The following RSU1 variants were observed in gnomAD, a reference collection of about 807,000 sequenced individuals.
RSU1 encodes the protein Ras suppressor protein 1.
Under a neutral mutation model 31.1 loss-of-function variants are expected in RSU1, and 26 were observed. The ratio of observed to expected loss-of-function variants is 0.84; its 90% CI spans 0.61 to 1.16. RSU1 has a LOEUF of 1.16. Ranked by LOEUF, RSU1 falls within the 50% of genes most tolerant of loss-of-function variation. The pLI is 0.00. For missense variants in RSU1, 320 were observed against 339.1 expected, an observed-to-expected ratio of 0.94 and a Z score of 0.44; for synonymous variants, 164 against 136.3, an observed-to-expected ratio of 1.20 and a Z score of -1.41.
intron 8 of RSU1, among the ~76,000 whole-genome samples, chr10:16,609,822 G>C (rs1463706921): frequency 6.6e-6 from 1 of 152,198 alleles, no homozygotes; most frequent in Non-Finnish European, 1.5e-5. Context: ...AGTGAGTTAA[G>C]TTCTCTTCTC....
At chr10:16,667,158 T>C (rs879732288) in intron 8 of RSU1, among the ~76,000 whole-genome samples, 2 of 152,206 alleles carry the variant, frequency 1.3e-5, no homozygotes, top group African/African-American at 4.8e-5. Context: ...GGAGGGAACT[T>C]ATACTTTAGC....
chr10:16,595,501 T>C (rs894778505), intron 8 of RSU1, among the ~76,000 whole-genome samples: 1 of 152,172 alleles, frequency 6.6e-6, no homozygotes, highest in East Asian at 1.9e-4. Context: ...GGTGCTGGGA[T>C]TGCACTCCAG....
In RSU1 at chr10:16,765,107, A is replaced by AT. The variant is rs200632390; in HGVS notation, c.161-598dup. On this transcript the variant is annotated intron_variant, in intron 3 of 8. Transcript: ENST00000345264. ...TGTCATATATGATCTTATAGGTGCA[A>AT]TTTTTTTTTTCTTTTGGTTTTCTTG... 4.1e-4 allele frequency among the ~76,000 whole-genome samples: 62 copies of AT among 149,818 alleles called. 1 individual carries two copies. The highest frequency in any genetic ancestry group is 3.5e-3 in the Middle Eastern group (1 of 286).
intron 7 of RSU1, among the ~76,000 whole-genome samples, chr10:16,746,523 G>A (rs965592258): frequency 6.6e-5 from 10 of 152,122 alleles, no homozygotes; most frequent in Non-Finnish European, 1.5e-4. Context: ...ACCATGGAAT[G>A]CTCAGGAAAG....
At chr10:16,794,871 T>C (rs926361328) in intron 2 of RSU1, among the ~76,000 whole-genome samples, 3 of 152,204 alleles carry the variant, frequency 2.0e-5, no homozygotes, top group African/African-American at 7.2e-5. Context: ...GAACGCACAG[T>C]TCCTAGCAGG....
chr10:16,674,040 C>T (rs1835172985), intron 8 of RSU1, among the ~76,000 whole-genome samples: 1 of 152,130 alleles, frequency 6.6e-6, no homozygotes, highest in Non-Finnish European at 1.5e-5. Context: ...ATATCTAGGT[C>T]CTACACACAG....
intron 2 of RSU1, 137 bp downstream of exon 2, chr10:16,816,836 G>A: frequency 1.6e-6 from 1 of 639,282 alleles, no homozygotes; most frequent in South Asian, 1.9e-5. Flanking sequence ...TCTGCGCGAA[G>A]CCCCTGACAA....
chr10:16,655,005 A>C (rs1834752162), intron 8 of RSU1, among the ~76,000 whole-genome samples: 1 of 149,128 alleles, frequency 6.7e-6, no homozygotes, highest in Admixed American at 6.8e-5. Flanking sequence ...TCGAGGCTGC[A>C]GTGAGCCACG....
chr10:16,613,070 T>C (rs1299743444), intron 8 of RSU1, among the ~76,000 whole-genome samples: 1 of 152,126 alleles, frequency 6.6e-6, no homozygotes, highest in Non-Finnish European at 1.5e-5. Context: ...AGAATAATGT[T>C]TCCAAAATCA....
At chr10:16,763,817 A>C (rs1291190073) in intron 4 of RSU1, among the ~76,000 whole-genome samples, 2 of 152,228 alleles carry the variant, frequency 1.3e-5, no homozygotes, top group Non-Finnish European at 2.9e-5. Flanking sequence ...GCAAAGCAAT[A>C]CACAAAAATA....
intron 8 of RSU1, among the ~76,000 whole-genome samples, chr10:16,632,141 C>T (rs1040830027): frequency 6.6e-6 from 1 of 152,046 alleles, no homozygotes; most frequent in African/African-American, 2.4e-5. Flanking sequence ...TCTTTGTCTT[C>T]TAAAGTCAAG....
chr10:16,656,252 C>G (rs1390296430), intron 8 of RSU1, among the ~76,000 whole-genome samples: 1 of 151,932 alleles, frequency 6.6e-6, no homozygotes, highest in Non-Finnish European at 1.5e-5. Flanking sequence ...TACAGATTTG[C>G]CTTGGGATAT....
chr10:16,617,837 A>G (rs1450151493), intron 8 of RSU1, among the ~76,000 whole-genome samples: 2 of 152,226 alleles, frequency 1.3e-5, no homozygotes. Flanking sequence ...TTAACTCAAG[A>G]TGGATTACAG....
intron 8 of RSU1, among the ~76,000 whole-genome samples, chr10:16,690,011 A>T (rs1835512741): frequency 3.3e-5 from 5 of 152,224 alleles, no homozygotes; most frequent in Admixed American, 2.6e-4. Flanking sequence ...GACAAGAGTT[A>T]ACTTGTCAGC....
chr10:16,620,908 T>C (rs538306455), intron 8 of RSU1, among the ~76,000 whole-genome samples: 3 of 152,260 alleles, frequency 2.0e-5, no homozygotes, highest in Non-Finnish European at 4.4e-5. Context: ...CCTCCCTCTC[T>C]TCTTTCCATT....
At chr10:16,680,259 A>C (rs771829013) in intron 8 of RSU1, among the ~76,000 whole-genome samples, 7 of 152,108 alleles carry the variant, frequency 4.6e-5, no homozygotes, top group Non-Finnish European at 1.0e-4. Flanking sequence ...AGAATACAGC[A>C]GACACAGGCC....
intron 3 of RSU1, among the ~76,000 whole-genome samples, chr10:16,765,609 CTG>C (rs1837298680): frequency 6.6e-6 from 1 of 152,198 alleles, no homozygotes; most frequent in Non-Finnish European, 1.5e-5. Flanking sequence ...TTTCCATAGA[CTG>C]TAATTCATCT....
At position 16,614,268 on chromosome 10, in the gene RSU1, AGGTAGTCCATGTTCTTACTAACTTGT is replaced by A. The variant is rs142857392; in HGVS notation, c.732-20798_732-20773del. Among the ~76,000 whole-genome samples, 747 of 152,350 alleles carry A rather than the reference AGGTAGTCCATGTTCTTACTAACTTGT, an allele frequency of 4.9e-3. 5 individuals are homozygous for A. The highest frequency in any genetic ancestry group is 0.017 in the African/African-American group (719 of 41,586). On this transcript the variant is annotated intron_variant, in intron 8 of 8. Transcript: ENST00000345264. ...TGTTGTAGATGTTAAATCAAGAACC[AGGTAGTCCATGTTCTTACTAACTTGT>A]GGGATCTAAAAATCAAAGCAATTGA...
At chr10:16,749,997 C>T (rs925892799) in intron 7 of RSU1, among the ~76,000 whole-genome samples, 1 of 152,286 alleles carries the variant, frequency 6.6e-6, no homozygotes, top group African/African-American at 2.4e-5. Flanking sequence ...GCTGTGTCCC[C>T]ACAGACTTGT....
Sources: allele counts gnomAD v4.1 joint callset (sites outside exome capture counted in the v4.1 genomes callset), GRCh38; gene constraint gnomAD v4.1.1; transcripts MANE v1.5; gene names NCBI Gene and HGNC (gene_info 2026-07-23, HGNC 2026-07-21).